HGSNAT: variants seen among roughly 807,000 people sequenced by gnomAD.
HGSNAT encodes the protein heparan-alpha-glucosaminide N-acetyltransferase.
HGSNAT carries 59 observed loss-of-function variants against 85.2 expected under a neutral mutation model. The observed-to-expected ratio is 0.69, with a 90% CI of 0.56 to 0.86. The LOEUF (loss-of-function observed/expected upper bound fraction) is 0.86, where lower values mean the gene tolerates loss of function less well. Ranked by LOEUF, HGSNAT falls within the 40% of genes least tolerant of loss-of-function variation. The pLI is 0.00. For synonymous variants in HGSNAT, 321 were observed against 304.5 expected (o/e 1.05, Z -0.56); for missense variants, 756 against 777.1 (o/e 0.97, Z 0.32).
intron 10 of HGSNAT, among the ~76,000 whole-genome samples, chr8:43,178,686 G>C (rs370697114): frequency 1.9e-4 from 29 of 149,848 alleles, no homozygotes; most frequent in Non-Finnish European, 3.1e-4. Flanking sequence ...GACAATAGTG[G>C]AGGGAAGGTC....
intron 15 of HGSNAT, chr8:43,197,354 T>A (rs186247630): frequency 3.8e-6 from 2 of 526,794 alleles, no homozygotes; most frequent in African/African-American, 3.8e-5. Context: ...ACTTCCAGAT[T>A]ATATGGGAAA....
At chr8:43,198,068 C>A in intron 17 of HGSNAT, 116 bp downstream of exon 17, 3 of 696,312 alleles carry the variant, frequency 4.3e-6, no homozygotes, top group Non-Finnish European at 7.3e-6. Context: ...GGCAGGTGTC[C>A]AAAAGCCAGG....
intron 9 of HGSNAT, among the ~76,000 whole-genome samples, chr8:43,175,557 CTTTTTTTTTTTTT>C (rs572939859): frequency 4.8e-5 from 3 of 63,130 alleles, no homozygotes; most frequent in African/African-American, 1.3e-4. Context: ...CTTTTGTCCT[CTTTTTTTTTTTTT>C]TTTTTTTTTT....
chr8:43,199,109 C>T (rs1804832155), intron 17 of HGSNAT, among the ~76,000 whole-genome samples: 1 of 152,080 alleles, frequency 6.6e-6, no homozygotes, highest in Non-Finnish European at 1.5e-5. Flanking sequence ...TCACGTTGGC[C>T]AGGCTGGTCT....
At chr8:43,158,896 T>TG (rs752563635) in intron 3 of HGSNAT, 27 bp from the exon 4 acceptor site, 13 of 1,591,352 alleles carry the variant, frequency 8.2e-6, no homozygotes, top group Non-Finnish European at 1.1e-5. Flanking sequence ...TCTAACCACT[T>TG]GTCTTAATTT....
rs889803190 is a variant in HGSNAT, at chr8:43,173,767, C to T, written c.851+24C>T. 3.1e-6 allele frequency: 5 copies of T among 1,607,986 alleles called. No homozygotes were observed. The African/African-American group carries it at 5.3e-5, about 17-fold the overall frequency. On this transcript the variant is annotated intron_variant, in intron 9 of 17. Coordinates refer to ENST00000379644, the MANE Select transcript of HGSNAT (RefSeq NM_152419.3). Reference sequence around the variant, plus strand: ...TGGTGAGTTGCCGGTCTGCCCTCTTCTCTTCCACGGGTTGACTCCAATCTC... The same window carrying T: ...TGGTGAGTTGCCGGTCTGCCCTCTTTTCTTCCACGGGTTGACTCCAATCTC...
intron 11 of HGSNAT, among the ~76,000 whole-genome samples, chr8:43,191,006 C>T (rs1449161250): frequency 3.9e-5 from 6 of 152,198 alleles, no homozygotes; most frequent in South Asian, 2.1e-4. Context: ...AGTCATATAA[C>T]GTGGCTTTTT....
At position 43,200,884 on chromosome 8, in the gene HGSNAT, C is replaced by T. The variant is rs1221936414; in HGVS notation, c.*1315C>T. ...TCTGCCCTCTGCCCTGAACTCTCAT[C>T]CGGCTTGTACCTGCCTGCTGGACCC... is the stretch of plus-strand genomic sequence containing the variant. On this transcript the variant is annotated 3_prime_UTR_variant, in exon 18 of 18. Coordinates refer to ENST00000379644, the MANE Select transcript of HGSNAT (RefSeq NM_152419.3). 1 of 152,636 alleles carries T rather than the reference C, an allele frequency of 6.6e-6. No individual in the cohort carries two copies. The highest frequency in any genetic ancestry group is 2.1e-4 in the South Asian group (1 of 4,844). 9.5% of individuals were successfully genotyped at this position (152,636 alleles called of 1,614,324 possible). A position where few individuals can be genotyped will look rare whatever the true frequency, so the allele number is the denominator to read the frequency against.
At chr8:43,140,638 G>A (rs1313911483) in intron 1 of HGSNAT, 24 bp downstream of exon 1, 2 of 1,139,982 alleles carry the variant, frequency 1.8e-6, no homozygotes, top group Non-Finnish European at 2.2e-6. Context: ...TCCTACCGCC[G>A]CCCGGCCGGC....
intron 11 of HGSNAT, among the ~76,000 whole-genome samples, chr8:43,188,920 A>G (rs529893719): frequency 2.6e-5 from 4 of 152,316 alleles, no homozygotes; most frequent in African/African-American, 9.6e-5. Flanking sequence ...GGTCCACTCC[A>G]GACCCTGTTT....
At chr8:43,141,288 AGCCGCCGCC>A (rs545919735) in intron 1 of HGSNAT, among the ~76,000 whole-genome samples, 246 of 151,830 alleles carry the variant, frequency 1.6e-3, no homozygotes, top group African/African-American at 5.1e-3. Flanking sequence ...GTGACTGGGA[AGCCGCCGCC>A]GCCGCCGCCG....
At chr8:43,150,738 G>T (rs778983812) in intron 2 of HGSNAT, among the ~76,000 whole-genome samples, 1 of 152,102 alleles carries the variant, frequency 6.6e-6, no homozygotes, top group Non-Finnish European at 1.5e-5. Context: ...GGAGGCTGAG[G>T]CAGGAGAATG....
intron 2 of HGSNAT, among the ~76,000 whole-genome samples, chr8:43,153,289 G>A (rs1802977379): frequency 6.6e-6 from 1 of 152,016 alleles, no homozygotes; most frequent in South Asian, 2.1e-4. Context: ...AGTACTCCAA[G>A]AGGATTCAAG....
In HGSNAT at chr8:43,200,156, C is replaced by T. The variant is rs1804871468; in HGVS notation, c.*587C>T. The stretch of plus-strand genomic sequence containing the variant: ...AAATGTCTATCACAAGCCATTTTTT[C>T]CTTTTCCTCTCTCGAAAAGTTAAAA... On this transcript the variant is annotated 3_prime_UTR_variant, in exon 18 of 18. Coordinates refer to ENST00000379644, the MANE Select transcript of HGSNAT (RefSeq NM_152419.3). The T allele has an allele frequency of 6.6e-6, 1 of 152,168 alleles. No homozygotes were observed. The highest frequency in any genetic ancestry group is 1.5e-5 in the Non-Finnish European group (1 of 68,028). 9.4% of individuals were successfully genotyped at this position (152,168 alleles called of 1,614,324 possible). A position where few individuals can be genotyped will look rare whatever the true frequency, so the allele number is the denominator to read the frequency against.
chr8:43,181,932 G>C (rs1804138474), intron 10 of HGSNAT: 1 of 556,556 alleles, frequency 1.8e-6, no homozygotes, highest in African/African-American at 1.9e-5. Flanking sequence ...GTCCCTGACT[G>C]ACCCTCCCTC....
chr8:43,180,717 C>G (rs1471554199), intron 10 of HGSNAT: 1 of 320,826 alleles, frequency 3.1e-6, no homozygotes, highest in Non-Finnish European at 6.1e-6. Context: ...AGGCTGCAAT[C>G]TCGGCTCTCC....
intron 5 of HGSNAT, among the ~76,000 whole-genome samples, chr8:43,168,384 C>CTTATTTTT (rs1803503697): frequency 1.4e-5 from 1 of 70,224 alleles, no homozygotes; most frequent in African/African-American, 6.6e-5. Flanking sequence ...AATAGTTGAT[C>CTTATTTTT]TTTTTTTTTT....
At chr8:43,162,600 G>T (rs1803300649) in intron 5 of HGSNAT, among the ~76,000 whole-genome samples, 2 of 151,240 alleles carry the variant, frequency 1.3e-5, no homozygotes, top group Admixed American at 6.6e-5. Flanking sequence ...CATCCAGGCT[G>T]GAGTGCAGTG....
intron 9 of HGSNAT, among the ~76,000 whole-genome samples, chr8:43,175,548 T>C (rs1337418794): frequency 1.3e-5 from 2 of 151,456 alleles, no homozygotes; most frequent in African/African-American, 2.4e-5. Context: ...TGTTCAGATC[T>C]TTTGTCCTCT....
Sources: allele counts gnomAD v4.1 joint callset (sites outside exome capture counted in the v4.1 genomes callset), GRCh38; gene constraint gnomAD v4.1.1; transcripts MANE v1.5; gene names NCBI Gene and HGNC (gene_info 2026-07-23, HGNC 2026-07-21).